The following FERMT3 variants were observed in gnomAD, a reference collection of about 807,000 sequenced individuals.
FERMT3 encodes fermitin family homolog 3.
FERMT3 carries 33 observed loss-of-function variants against 80.8 expected under a neutral mutation model. The ratio of observed to expected loss-of-function variants is 0.41; its 90% CI spans 0.31 to 0.55. FERMT3 has a LOEUF of 0.55. Among genes scored for constraint, FERMT3 ranks in the 20% least tolerant of loss-of-function variants. The pLI is 0.31. For synonymous variants in FERMT3, 375 were observed against 372.2 expected (o/e 1.01, Z -0.09); for missense variants, 754 against 908.7 (o/e 0.83, Z 2.19).
intron 6 of FERMT3, among the ~76,000 whole-genome samples, chr11:64,215,029 C>T (rs376169547): frequency 7.0e-4 from 107 of 152,036 alleles, no homozygotes; most frequent in African/African-American, 2.2e-4. Flanking sequence ...AAGCTGGTCT[C>T]GAACTCCTGA....
intron 6 of FERMT3, among the ~76,000 whole-genome samples, chr11:64,215,222 T>C (rs919873132): frequency 2.0e-5 from 3 of 152,236 alleles, no homozygotes; most frequent in Non-Finnish European, 2.9e-5. Flanking sequence ...TTTGCAGTCA[T>C]TCCTCCTCCC....
At chr11:64,218,638 C>A (rs1946604516) in intron 6 of FERMT3, among the ~76,000 whole-genome samples, 1 of 152,226 alleles carries the variant, frequency 6.6e-6, no homozygotes, top group Non-Finnish European at 1.5e-5. Context: ...CTTCCTAAAC[C>A]TTTGCTATCA....
Position 64,217,541 on chromosome 11 carries a change from C to T in FERMT3, c.787-1710C>T, listed in dbSNP as rs539524555. ...TCCAGCCTGGGCAACAAGAGCAAAA[C>T]TCCATCTTAAAAAAAAAAAATTGTC... On this transcript the variant is annotated intron_variant, in intron 6 of 14. Coordinates refer to ENST00000345728, the MANE Select transcript of FERMT3 (RefSeq NM_031471.6). 2.2e-4 allele frequency among the ~76,000 whole-genome samples: 33 copies of T among 152,126 alleles called. 1 individual carries two copies. The highest frequency in any genetic ancestry group is 1.7e-3 in the South Asian group (8 of 4,814).
chr11:64,221,020 C>A lies in FERMT3; in HGVS notation c.1550C>A (p.Thr517Asn). 6.2e-7 allele frequency: 1 copy of A among 1,612,274 alleles called. No individual in the cohort carries two copies. Among genetic ancestry groups the A allele is most frequent in the Non-Finnish European group, 8.5e-7 (1 of 1,179,928 alleles). ...GTCACCAGTATGGTCCCGCAGCTCA[C>A]CCCACGGATCCTGGAAGCCCACCAG... ...FQRKFKAKQL[T>N]PRILEAHQNV... is the part of the protein sequence containing the mutation. The change falls in exon 13 of 15, where the codon ACC becomes AAC. Residue 517 changes from threonine to asparagine, a missense_variant. Physicochemically the swap from Thr to Asn is moderately conservative, Grantham distance 65. Coordinates refer to ENST00000345728, the MANE Select transcript of FERMT3 (RefSeq NM_031471.6).
intron 2 of FERMT3, among the ~76,000 whole-genome samples, chr11:64,208,638 G>T (rs532127973): frequency 6.6e-6 from 1 of 152,240 alleles, no homozygotes; most frequent in Admixed American, 6.5e-5. Flanking sequence ...TATCATGGGG[G>T]CCTGGAGCCA....
chr11:64,207,259 T>C (rs895921953), intron 1 of FERMT3, 92 bp from the exon 2 acceptor site: 31 of 1,487,302 alleles, frequency 2.1e-5, no homozygotes, highest in Non-Finnish European at 2.9e-5. Context: ...GGCTTTCCTC[T>C]GGGTGTGTCC....
At chr11:64,213,500 G>A (rs906450646) in intron 6 of FERMT3, among the ~76,000 whole-genome samples, 2 of 150,808 alleles carry the variant, frequency 1.3e-5, no homozygotes, top group South Asian at 2.1e-4. Context: ...TGATCCACCC[G>A]CCTCAGCCTC....
At chr11:64,218,793 T>C (rs375467739) in intron 6 of FERMT3, among the ~76,000 whole-genome samples, 1 of 152,162 alleles carries the variant, frequency 6.6e-6, no homozygotes, top group African/African-American at 2.4e-5. Flanking sequence ...CCTTCCTATC[T>C]CTACTCAGCT....
At chr11:64,216,109 C>T (rs1351105523) in intron 6 of FERMT3, among the ~76,000 whole-genome samples, 1 of 151,336 alleles carries the variant, frequency 6.6e-6, no homozygotes, top group African/African-American at 2.4e-5. Flanking sequence ...TAGGATTACA[C>T]GCGTGAGCCA....
At position 64,206,779 on chromosome 11, in the gene FERMT3, A is replaced by G; in HGVS notation, c.-50A>G. Reference sequence around the variant, plus strand: ...CCACGGCCCACAGGGGTGTAGCCCGAGACCCACCTGCAGCCCCCAGCCCTT... The same window carrying G: ...CCACGGCCCACAGGGGTGTAGCCCGGGACCCACCTGCAGCCCCCAGCCCTT... On this transcript the variant is annotated 5_prime_UTR_variant, in exon 1 of 15. Transcript: ENST00000345728. The G allele has an allele frequency of 6.5e-6, 1 of 154,328 alleles. No individual in the cohort carries two copies. The highest frequency in any genetic ancestry group is 1.5e-5 in the Non-Finnish European group (1 of 68,810). 9.6% of individuals were successfully genotyped at this position (154,328 alleles called of 1,614,324 possible).
intron 6 of FERMT3, among the ~76,000 whole-genome samples, chr11:64,218,000 CTTTTTTTTTT>C (rs34718711): frequency 5.0e-5 from 6 of 119,504 alleles, no homozygotes; most frequent in Admixed American, 1.0e-4. Context: ...TTCCTTTTTC[CTTTTTTTTTT>C]TTTTTTTTTT....
At chr11:64,220,916 C>T (rs1281614333) in intron 12 of FERMT3, 100 bp from the exon 13 acceptor site, 1 of 1,562,728 alleles carries the variant, frequency 6.4e-7, no homozygotes, top group Non-Finnish European at 8.7e-7. Flanking sequence ...CTGCCCCTTC[C>T]CAGGCTCACA....
In FERMT3 at chr11:64,210,941, G is replaced by T; in HGVS notation, c.394+97G>T. ...CAGCTCTGTTGACGCTGTCCTTGCT[G>T]TCTGGGTTGCCACCCTGCCTGCAGG... is the stretch of plus-strand genomic sequence containing the variant. On this transcript the variant is annotated intron_variant, in intron 3 of 14. Coordinates refer to ENST00000345728, the MANE Select transcript of FERMT3 (RefSeq NM_031471.6). The surrounding 1 kb of genome is among the most constrained non-coding windows in gnomAD (Gnocchi z 4.3). The T allele has an allele frequency of 6.2e-7, 1 of 1,607,546 alleles. No homozygotes were observed. Among genetic ancestry groups the T allele is most frequent in the Non-Finnish European group, 8.5e-7 (1 of 1,177,284 alleles).
Position 64,219,646 on chromosome 11 carries a change from C to T in FERMT3, c.1017C>T (p.Pro339=), listed in dbSNP as rs993498282. 1.2e-6 allele frequency: 2 copies of T among 1,613,620 alleles called. No homozygotes were observed. The highest frequency in any genetic ancestry group is 1.7e-6 in the Non-Finnish European group (2 of 1,179,974). Residue 339 remains proline (P), a synonymous_variant, in exon 8 of 15, where the codon CCC becomes CCT. Transcript: ENST00000345728. The surrounding 1 kb of genome is among the most constrained non-coding windows in gnomAD (Gnocchi z 4.0). ...AGGTGAAGCTGGAGGGGTCGGCGCC[C>T]ACAGATGTGCTGGTGAGGAGGGGCT... is the stretch of plus-strand genomic sequence containing the variant. ...NLEVKLEGSA[P]TDVLDSLTTI... is the part of the protein sequence containing the mutation.
In FERMT3 at chr11:64,221,205, G is replaced by C. The variant is rs1946674604; in HGVS notation, c.1670+65G>C. The C allele has an allele frequency of 2.0e-6, 3 of 1,527,382 alleles. No homozygotes were observed. The East Asian group carries it at 6.8e-5, about 35-fold the overall frequency. The allele number at this position is 1,527,382 out of a possible 1,614,324, so 94.6% of individuals were successfully genotyped here. A position where few individuals can be genotyped will look rare whatever the true frequency, so the allele number is the denominator to read the frequency against. On this transcript the variant is annotated intron_variant, in intron 13 of 14. Transcript: ENST00000345728. ...TGCCCTCACCTGCCACCCGGCTGCT[G>C]TGTGCCCACATCCCAAGAGTAGGTT...
In FERMT3 at chr11:64,210,945, G is replaced by C. The variant is rs1946421867; in HGVS notation, c.394+101G>C. On this transcript the variant is annotated intron_variant, in intron 3 of 14. Coordinates refer to ENST00000345728, the MANE Select transcript of FERMT3 (RefSeq NM_031471.6). This position sits in a 1 kb window ranked among gnomAD's most constrained non-coding sequence, Gnocchi z 4.3. ...TCTGTTGACGCTGTCCTTGCTGTCT[G>C]GGTTGCCACCCTGCCTGCAGGGCTG... 5 of 1,607,258 alleles carry C rather than the reference G, an allele frequency of 3.1e-6. No individual in the cohort carries two copies. The African/African-American group carries it at 5.4e-5, about 17-fold the overall frequency.
chr11:64,220,201 A>G lies in FERMT3; in HGVS notation c.1205-19A>G. The G allele has an allele frequency of 6.2e-7, 1 of 1,612,250 alleles. No individual in the cohort carries two copies. Among genetic ancestry groups the G allele is most frequent in the Non-Finnish European group, 8.5e-7 (1 of 1,178,774 alleles). ...TCTTCCCCTCCCGACCTCCTAGACC[A>G]CCCCTTCTCTCCCTCCAGGCTGTGA... is the stretch of plus-strand genomic sequence containing the variant. On this transcript the variant is annotated intron_variant, in intron 10 of 14. Coordinates refer to ENST00000345728, the MANE Select transcript of FERMT3 (RefSeq NM_031471.6).
intron 6 of FERMT3, among the ~76,000 whole-genome samples, chr11:64,215,794 C>T (rs1946537035): frequency 6.6e-6 from 1 of 151,556 alleles, no homozygotes; most frequent in African/African-American, 2.4e-5. Context: ...GATTGGGTCT[C>T]AAGTTATCCT....
At chr11:64,207,110 C>T (rs562129555) in intron 1 of FERMT3, among the ~76,000 whole-genome samples, 1 of 152,334 alleles carries the variant, frequency 6.6e-6, no homozygotes, top group South Asian at 2.1e-4. Flanking sequence ...CCTCAGTCTG[C>T]CCGCCTGTAG....
Sources: allele counts gnomAD v4.1 joint callset (sites outside exome capture counted in the v4.1 genomes callset), GRCh38; gene constraint gnomAD v4.1.1; non-coding constraint Gnocchi (gnomAD v3.1); transcripts MANE v1.5; gene names NCBI Gene and HGNC (gene_info 2026-07-23, HGNC 2026-07-21).